PLN: variants seen among roughly 807,000 people sequenced by gnomAD.
The protein encoded by PLN is phospholamban, also known as cardiac phospholamban.
In PLN, 1 loss-of-function variant was observed where a neutral mutation model predicts 3.9. That is an observed-to-expected ratio of 0.26 (90% CI 0.09 to 1.23). The LOEUF is 1.23. Ranked by LOEUF, PLN falls within the 50% of genes most tolerant of loss-of-function variation. The pLI, the probability that PLN is intolerant of heterozygous loss-of-function variation, is 0.48. For missense variants in PLN, 59 were observed against 62.7 expected, an observed-to-expected ratio of 0.94 and a Z score of 0.20; for synonymous variants, 21 against 20.5, an observed-to-expected ratio of 1.02 and a Z score of -0.07.
intron 1 of PLN, among the ~76,000 whole-genome samples, chr6:118,555,425 C>CAAAA (rs200889385): frequency 3.9e-4 from 45 of 116,360 alleles, no homozygotes; most frequent in Non-Finnish European, 5.5e-4. Context: ...AAGACTGTCT[C>CAAAA]AAAAAAAAAA....
intron 1 of PLN, among the ~76,000 whole-genome samples, chr6:118,555,091 AATT>A (rs1295860837): frequency 6.6e-6 from 1 of 152,220 alleles, no homozygotes; most frequent in African/African-American, 2.4e-5. Flanking sequence ...TACCAAGTCT[AATT>A]ATTATTCCTT....
At chr6:118,552,680 C>T (rs138168884) in intron 1 of PLN, among the ~76,000 whole-genome samples, 2 of 150,650 alleles carry the variant, frequency 1.3e-5, no homozygotes, top group African/African-American at 2.4e-5. Flanking sequence ...TAATTTCCAG[C>T]GTTACTTTTC....
chr6:118,556,285 T>A (rs1006421488), intron 1 of PLN, among the ~76,000 whole-genome samples: 5 of 152,174 alleles, frequency 3.3e-5, no homozygotes, highest in Non-Finnish European at 7.3e-5. Context: ...CAATGAAGAA[T>A]ATATGCTAGA....
At chr6:118,549,031 TTGAG>T (rs924347556) in intron 1 of PLN, among the ~76,000 whole-genome samples, 19 of 152,106 alleles carry the variant, frequency 1.2e-4, no homozygotes, top group African/African-American at 4.6e-4. Context: ...TATTAATAAA[TTGAG>T]TTACTGATAT....
At position 118,560,321 on chromosome 6, in the gene PLN, T is replaced by C. The variant is rs1281276288; in HGVS notation, c.*1241T>C. ...CATATTTTGCGTGTTATATGTATTA[T>C]ACACTATATTCCTACAATAAAGTAA... On this transcript the variant is annotated 3_prime_UTR_variant, in exon 2 of 2. Transcript: ENST00000357525. The C allele has an allele frequency of 6.0e-6, 1 of 167,064 alleles. No homozygotes were observed. Among genetic ancestry groups the C allele is most frequent in the African/African-American group, 2.4e-5 (1 of 41,448 alleles). 10.3% of individuals were successfully genotyped at this position (167,064 alleles called of 1,614,324 possible). A position where few individuals can be genotyped will look rare whatever the true frequency, so the allele number is the denominator to read the frequency against.
Position 118,561,671 on chromosome 6 carries a change from T to C in PLN, c.*2591T>C, listed in dbSNP as rs533497684. Among the ~76,000 whole-genome samples, 3 of 152,262 alleles carry C rather than the reference T, an allele frequency of 2.0e-5. No homozygotes were observed. The highest frequency in any genetic ancestry group is 4.1e-4 in the South Asian group (2 of 4,824). Reference sequence around the variant, plus strand: ...TGGTTAAGAATATATATTTGTTTAATGCAAATCAGAATCACTATATTAAAA... The same window carrying C: ...TGGTTAAGAATATATATTTGTTTAACGCAAATCAGAATCACTATATTAAAA... On this transcript the variant is annotated 3_prime_UTR_variant, in exon 2 of 2. Transcript: ENST00000357525.
chr6:118,559,649 A>G lies in PLN; in HGVS notation c.*569A>G, dbSNP rs191057969. 1 of 169,140 alleles carries G rather than the reference A, an allele frequency of 5.9e-6. No homozygotes were observed. The highest frequency in any genetic ancestry group is 1.4e-5 in the Non-Finnish European group (1 of 69,502). 10.5% of individuals were successfully genotyped at this position (169,140 alleles called of 1,614,324 possible). A position where few individuals can be genotyped will look rare whatever the true frequency, so the allele number is the denominator to read the frequency against. On this transcript the variant is annotated 3_prime_UTR_variant, in exon 2 of 2. Coordinates refer to ENST00000357525, the MANE Select transcript of PLN (RefSeq NM_002667.5). ...ATCTACATTCTAAAACAGAAATTGTATTTTTTCTATGCCACATTAACATCT... is the reference window on the plus strand; with the variant it reads ...ATCTACATTCTAAAACAGAAATTGTGTTTTTTCTATGCCACATTAACATCT...
intron 1 of PLN, among the ~76,000 whole-genome samples, chr6:118,548,858 A>G (rs1778365252): frequency 6.6e-6 from 1 of 152,046 alleles, no homozygotes; most frequent in Non-Finnish European, 1.5e-5. Context: ...CAACATGCAC[A>G]TTATCAGCAT....
intron 1 of PLN, among the ~76,000 whole-genome samples, chr6:118,556,450 A>G (rs1778881918): frequency 6.6e-6 from 1 of 152,178 alleles, no homozygotes; most frequent in Non-Finnish European, 1.5e-5. Flanking sequence ...AATAGACCCA[A>G]GTTGAACACT....
At position 118,560,493 on chromosome 6, in the gene PLN, A is replaced by C. The variant is rs1779162152; in HGVS notation, c.*1413A>C. 1 of 166,978 alleles carries C rather than the reference A, an allele frequency of 6.0e-6. No individual in the cohort carries two copies. Among genetic ancestry groups the C allele is most frequent in the Non-Finnish European group, 1.5e-5 (1 of 68,106 alleles). 10.3% of individuals were successfully genotyped at this position (166,978 alleles called of 1,614,324 possible). A position where few individuals can be genotyped will look rare whatever the true frequency, so the allele number is the denominator to read the frequency against. Reference sequence around the variant, plus strand: ...GAGGAGAAAGATGGGGAGGAAGAGAAGGCGTTGGTCTTGCAGTCTTGTCTT... The same window carrying C: ...GAGGAGAAAGATGGGGAGGAAGAGACGGCGTTGGTCTTGCAGTCTTGTCTT... On this transcript the variant is annotated 3_prime_UTR_variant, in exon 2 of 2. Transcript: ENST00000357525.
Position 118,558,619 on chromosome 6 carries a change from G to T in PLN, c.-97-206G>T, listed in dbSNP as rs73526175. 0.022 allele frequency among the ~76,000 whole-genome samples: 1,862 copies of T among 85,176 alleles called. 54 individuals carry two copies. The highest frequency in any genetic ancestry group is 0.067 in the African/African-American group (1,769 of 26,542). The allele number at this position is 85,176 out of a possible 152,430, so 55.9% of individuals were successfully genotyped here. Reference sequence around the variant, plus strand: ...AAGAGAGACAGACACATAGAAACACGTGCACATACACACACACACACACAC... The same window carrying T: ...AAGAGAGACAGACACATAGAAACACTTGCACATACACACACACACACACAC... On this transcript the variant is annotated intron_variant, in intron 1 of 1. Transcript: ENST00000357525.
chr6:118,552,569 T>C lies in PLN; in HGVS notation c.-98+4177T>C, dbSNP rs907237414. On this transcript the variant is annotated intron_variant, in intron 1 of 1. Transcript: ENST00000357525. ...CAAACATGTTGCCTAACATGGTATA[T>C]GACATTAGTCAAAAGATTAGAGTTG... is the stretch of plus-strand genomic sequence containing the variant. 1.4e-4 allele frequency among the ~76,000 whole-genome samples: 21 copies of C among 152,112 alleles called. 3 individuals are homozygous for C. Among genetic ancestry groups the C allele is most frequent in the Admixed American group, 7.2e-4 (11 of 15,288 alleles).
At chr6:118,550,582 G>A (rs1277789120) in intron 1 of PLN, among the ~76,000 whole-genome samples, 2 of 151,658 alleles carry the variant, frequency 1.3e-5, no homozygotes, top group African/African-American at 4.8e-5. Context: ...CTACAATTTA[G>A]GAAAGATGCA....
chr6:118,558,871 T>C lies in PLN; in HGVS notation c.-51T>C. On this transcript the variant is annotated 5_prime_UTR_variant, in exon 2 of 2. Coordinates refer to ENST00000357525, the MANE Select transcript of PLN (RefSeq NM_002667.5). The stretch of plus-strand genomic sequence containing the variant: ...ATCTCATATTTGGCTGCCAGCTTTT[T>C]ATCTTTCTCTCGACCACTTAAAACT... The C allele has an allele frequency of 6.8e-7, 1 of 1,475,236 alleles. No homozygotes were observed. The highest frequency in any genetic ancestry group is 1.1e-5 in the South Asian group (1 of 87,986). The allele number at this position is 1,475,236 out of a possible 1,614,324, so 91.4% of individuals were successfully genotyped here. A position where few individuals can be genotyped will look rare whatever the true frequency, so the allele number is the denominator to read the frequency against.
At chr6:118,551,421 C>T (rs1339621722) in intron 1 of PLN, among the ~76,000 whole-genome samples, 1 of 151,930 alleles carries the variant, frequency 6.6e-6, no homozygotes, top group Non-Finnish European at 1.5e-5. Context: ...TTTCTCAATA[C>T]TACCTCCCCA....
At chr6:118,556,539 T>TACCTTCC (rs1778888160) in intron 1 of PLN, among the ~76,000 whole-genome samples, 1 of 152,182 alleles carries the variant, frequency 6.6e-6, no homozygotes, top group Non-Finnish European at 1.5e-5. Context: ...GCCTGATACT[T>TACCTTCC]ACCTTCCCCT....
chr6:118,558,587 GGAGA>G (rs929114691), intron 1 of PLN, among the ~76,000 whole-genome samples: 3 of 128,210 alleles, frequency 2.3e-5, no homozygotes, highest in Middle Eastern at 4.4e-3. Context: ...CATCAAAAAA[GGAGA>G]GAAAGAGAGA....
At position 118,558,685 on chromosome 6, in the gene PLN, A is replaced by AGAGAGG. The variant is rs2114967981; in HGVS notation, c.-97-137_-97-136insAGGGAG. On this transcript the variant is annotated intron_variant, in intron 1 of 1. Coordinates refer to ENST00000357525, the MANE Select transcript of PLN (RefSeq NM_002667.5). ...CAGAGAGAGAGAGAGAGAGAGAGAG[A>AGAGAGG]GAGGGAGAGAGACTATAGAAACATG... 3 of 520,198 alleles carry AGAGAGG rather than the reference A, an allele frequency of 5.8e-6. No homozygotes were observed. The East Asian group carries it at 1.0e-4, about 18-fold the overall frequency. 32.2% of individuals were successfully genotyped at this position (520,198 alleles called of 1,614,324 possible). A position where few individuals can be genotyped will look rare whatever the true frequency, so the allele number is the denominator to read the frequency against.
intron 1 of PLN, among the ~76,000 whole-genome samples, chr6:118,557,066 T>C (rs909134460): frequency 1.3e-5 from 2 of 152,182 alleles, no homozygotes; most frequent in Non-Finnish European, 2.9e-5. Flanking sequence ...ATAATTACTA[T>C]GTGTTCCAAG....
Sources: gnomAD v4.1 joint callset for allele counts (sites outside exome capture counted in the v4.1 genomes callset) on GRCh38, gnomAD v4.1.1 for gene constraint, MANE v1.5 for transcripts, NCBI Gene and HGNC (gene_info 2026-07-23, HGNC 2026-07-21) for gene names.